The following SMYD3 variants were observed in gnomAD, a reference collection of about 807,000 sequenced individuals.
SMYD3 encodes histone-lysine N-methyltransferase SMYD3.
In SMYD3, 36 loss-of-function variants were observed where a neutral mutation model predicts 57.7. The ratio of observed to expected loss-of-function variants is 0.62; its 90% CI spans 0.48 to 0.82. The LOEUF is 0.82. Ranked by LOEUF, SMYD3 falls within the 40% of genes least tolerant of loss-of-function variation. The pLI, the probability that SMYD3 is intolerant of heterozygous loss-of-function variation, is 0.00. For missense variants in SMYD3, 515 were observed against 538.8 expected, an observed-to-expected ratio of 0.96 and a Z score of 0.44; for synonymous variants, 211 against 195.0, an observed-to-expected ratio of 1.08 and a Z score of -0.68.
At chr1:245,782,646 TTAAAC>T in intron 10 of SMYD3, among the ~76,000 whole-genome samples, 1 of 152,344 alleles carries the variant, frequency 6.6e-6, no homozygotes, top group Non-Finnish European at 1.5e-5. Context: ...AATTGAATGA[TTAAAC>T]TAGATACTCA....
chr1:246,200,456 G>A lies in SMYD3; in HGVS notation c.531+126745C>T, dbSNP rs150383701. Among the ~76,000 whole-genome samples the A allele has an allele frequency of 4.6e-3, 691 of 151,724 alleles. 4 individuals carry two copies. The highest frequency in any genetic ancestry group is 0.015 in the African/African-American group (616 of 41,362). On this transcript the variant is annotated intron_variant, in intron 5 of 11. Coordinates refer to ENST00000490107, the MANE Select transcript of SMYD3 (RefSeq NM_001167740.2). ...AGAGAAGATGGAGAACAGCGTAGAT[G>A]CTGAGCAAGAATGTACACAGACGCC...
At chr1:245,815,906 G>T (rs1179378645) in intron 10 of SMYD3, among the ~76,000 whole-genome samples, 1 of 152,206 alleles carries the variant, frequency 6.6e-6, no homozygotes, top group Non-Finnish European at 1.5e-5. Flanking sequence ...CAAAGCCCAT[G>T]ATCCTTCGGA....
intron 5 of SMYD3, among the ~76,000 whole-genome samples, chr1:246,173,610 C>T (rs919013253): frequency 2.0e-5 from 3 of 152,054 alleles, no homozygotes; most frequent in Non-Finnish European, 4.4e-5. Flanking sequence ...TTAAAAACGA[C>T]GACACAAACA....
chr1:246,208,437 T>C (rs1170426624), intron 5 of SMYD3, among the ~76,000 whole-genome samples: 3 of 152,130 alleles, frequency 2.0e-5, no homozygotes, highest in Non-Finnish European at 4.4e-5. Context: ...TTCTGAATAG[T>C]TCACTTCTAA....
At chr1:246,183,447 C>T (rs112903078) in intron 5 of SMYD3, among the ~76,000 whole-genome samples, 5 of 151,548 alleles carry the variant, frequency 3.3e-5, no homozygotes, top group Non-Finnish European at 7.4e-5. Flanking sequence ...GTCCAAGCTA[C>T]ATCACTTAAA....
At chr1:245,860,379 C>G (rs977164962) in intron 9 of SMYD3, among the ~76,000 whole-genome samples, 1 of 152,198 alleles carries the variant, frequency 6.6e-6, no homozygotes, top group African/African-American at 2.4e-5. Context: ...ACACGGCTTT[C>G]TGAAACATTA....
intron 1 of SMYD3, among the ~76,000 whole-genome samples, chr1:246,466,271 A>C (rs1264865492): frequency 1.3e-5 from 2 of 152,222 alleles, no homozygotes; most frequent in African/African-American, 4.8e-5. Flanking sequence ...ACAATAGCAA[A>C]AGCTGAAATG....
intron 10 of SMYD3, among the ~76,000 whole-genome samples, chr1:245,790,023 A>G (rs1401104835): frequency 6.6e-6 from 1 of 152,314 alleles, no homozygotes; most frequent in African/African-American, 2.4e-5. Flanking sequence ...AAGGGAGACC[A>G]CGGTTCCTGT....
At chr1:246,409,007 T>C (rs923482365) in intron 1 of SMYD3, among the ~76,000 whole-genome samples, 1 of 142,628 alleles carries the variant, frequency 7.0e-6, no homozygotes, top group Non-Finnish European at 1.6e-5. Context: ...TTCATATCCT[T>C]CACCCACTTT....
intron 10 of SMYD3, among the ~76,000 whole-genome samples, chr1:245,843,889 T>C (rs1001955838): frequency 2.6e-5 from 4 of 152,190 alleles, no homozygotes; most frequent in Admixed American, 2.0e-4. Flanking sequence ...ATTACAGTCA[T>C]GTGGGCAACC....
chr1:246,472,669 G>A (rs1041024374), intron 1 of SMYD3, among the ~76,000 whole-genome samples: 8 of 151,802 alleles, frequency 5.3e-5, no homozygotes, highest in African/African-American at 1.2e-4. Context: ...GCTTAATCTC[G>A]GGAGGTCAAG....
intron 5 of SMYD3, among the ~76,000 whole-genome samples, chr1:246,170,726 C>G (rs1445417753): frequency 1.3e-5 from 2 of 152,104 alleles, no homozygotes. Flanking sequence ...CAAATGAACA[C>G]TAAAAAATTA....
intron 1 of SMYD3, among the ~76,000 whole-genome samples, chr1:246,459,227 T>C (rs897070719): frequency 6.6e-6 from 1 of 150,532 alleles, no homozygotes; most frequent in East Asian, 2.0e-4. Flanking sequence ...GTGTGACACG[T>C]CCCCCTTCAC....
chr1:246,019,734 A>C (rs12407098), intron 5 of SMYD3, among the ~76,000 whole-genome samples: 2,688 of 152,280 alleles, frequency 0.018, 116 homozygotes, highest in South Asian at 0.15. Flanking sequence ...ATTTTTTCAA[A>C]TCCTATAAGG....
chr1:246,362,774 C>T (rs1380845423), intron 1 of SMYD3, among the ~76,000 whole-genome samples: 2 of 152,226 alleles, frequency 1.3e-5, no homozygotes, highest in Non-Finnish European at 2.9e-5. Context: ...GTCAATGGTG[C>T]CCAGGCTGGA....
intron 1 of SMYD3, among the ~76,000 whole-genome samples, chr1:246,416,332 T>C (rs921575084): frequency 6.6e-6 from 1 of 152,214 alleles, no homozygotes; most frequent in Admixed American, 6.5e-5. Flanking sequence ...ATACTTTCCC[T>C]GCAGAGGGAC....
intron 10 of SMYD3, among the ~76,000 whole-genome samples, chr1:245,795,085 G>A (rs1399026222): frequency 1.3e-5 from 2 of 152,078 alleles, no homozygotes; most frequent in Admixed American, 6.6e-5. Flanking sequence ...CTCTGTCCCT[G>A]TCTCCATTTG....
intron 5 of SMYD3, among the ~76,000 whole-genome samples, chr1:246,190,024 C>T (rs977032270): frequency 6.6e-6 from 1 of 152,092 alleles, no homozygotes; most frequent in Non-Finnish European, 1.5e-5. Context: ...TCAAGAAATC[C>T]AGATTATTAA....
chr1:245,907,299 A>C (rs1271884673), intron 8 of SMYD3, among the ~76,000 whole-genome samples: 4 of 152,224 alleles, frequency 2.6e-5, no homozygotes, highest in Non-Finnish European at 5.9e-5. Flanking sequence ...TTCACATTGC[A>C]TCCTTGTATC....
Sources: gnomAD v4.1 joint callset for allele counts (sites outside exome capture counted in the v4.1 genomes callset) on GRCh38, gnomAD v4.1.1 for gene constraint, MANE v1.5 for transcripts, NCBI Gene and HGNC (gene_info 2026-07-23, HGNC 2026-07-21) for gene names.